CDKN2B-AS1: variants seen among roughly 807,000 people sequenced by gnomAD.
CDKN2B-AS1 encodes the protein CDKN2B and CDKN2A antisense cis and trans regulatory RNA 1.
At chr9:22,124,124 T>A (rs1333046) in intron 4 of CDKN2B-AS1, among the ~76,000 whole-genome samples, 65,834 of 151,770 alleles carry the variant, frequency 0.43, 15,238 homozygotes, top group Middle Eastern at 0.65. Context: ...ATTTAGAACA[T>A]TTGGCAATAT....
intron 4 of CDKN2B-AS1, among the ~76,000 whole-genome samples, chr9:22,076,241 A>T (rs190139931): frequency 1.3e-5 from 2 of 152,152 alleles, no homozygotes; most frequent in African/African-American, 4.8e-5. Flanking sequence ...TTTAGTAGAG[A>T]CAGGGTTTCA....
At chr9:22,008,762 CGCCCCCTGCCGGCGAGGCCCTGGG>C in intron 1 of CDKN2B-AS1, 1 of 1,609,652 alleles carries the variant, frequency 6.2e-7, no homozygotes, top group Non-Finnish European at 8.5e-7. Context: ...CGCGTTCGCG[CGCCCCCTGCCGGCGAGGCCCTGGG>C]GCCCCAGCTA....
At chr9:22,047,107 A>G (rs1045539747) in intron 2 of CDKN2B-AS1, among the ~76,000 whole-genome samples, 1 of 152,136 alleles carries the variant, frequency 6.6e-6, no homozygotes, top group East Asian at 1.9e-4. Context: ...CATGACAATA[A>G]TAGACATGAA....
chr9:22,116,892 A>G (rs1825963033), intron 4 of CDKN2B-AS1, among the ~76,000 whole-genome samples: 1 of 152,252 alleles, frequency 6.6e-6, no homozygotes, highest in African/African-American at 2.4e-5. Flanking sequence ...CTTGGCTAAA[A>G]GGAATATTAT....
At chr9:22,054,810 C>CAAAA (rs1402339527) in intron 3 of CDKN2B-AS1, among the ~76,000 whole-genome samples, 9 of 149,370 alleles carry the variant, frequency 6.0e-5, no homozygotes, top group Non-Finnish European at 1.0e-4. Context: ...GACAGAGTCT[C>CAAAA]ACTCTGTCTC....
chr9:22,009,219 C>A, intron 1 of CDKN2B-AS1: 1 of 587,018 alleles, frequency 1.7e-6, no homozygotes, highest in Non-Finnish European at 3.0e-6. Context: ...GCGCCTAGCG[C>A]GGACGCAGCC....
At chr9:22,012,190 C>T in intron 1 of CDKN2B-AS1, 1 of 1,393,304 alleles carries the variant, frequency 7.2e-7, no homozygotes, top group Non-Finnish European at 1.0e-6. Flanking sequence ...CGGGCAAGAC[C>T]ATCACCCTTG....
At chr9:22,018,923 G>T (rs1309787555) in intron 1 of CDKN2B-AS1, among the ~76,000 whole-genome samples, 4 of 152,210 alleles carry the variant, frequency 2.6e-5, no homozygotes, top group African/African-American at 9.6e-5. Context: ...CATAGTGAGA[G>T]AGCTGATCTG....
rs941542375 is a variant in CDKN2B-AS1 at position 22,000,176 on chromosome 9, C to T, written n.29+5015C>T. ...ACAAGTCTAAATGTTAAAACATCCT[C>T]ACGGGTGATTCTGACATGGAGCCAG... is the stretch of plus-strand genomic sequence containing the variant. On this transcript the variant is annotated intron_variant and non_coding_transcript_variant, in intron 1 of 4. Coordinates refer to ENST00000650946, the Ensembl canonical transcript of CDKN2B-AS1. This position sits in a 1 kb window ranked among gnomAD's most constrained non-coding sequence, Gnocchi z 4.1. Among the ~76,000 whole-genome samples, 1 of 152,094 alleles carries T rather than the reference C, an allele frequency of 6.6e-6. No homozygotes were observed. Among genetic ancestry groups the T allele is most frequent in the African/African-American group, 2.4e-5 (1 of 41,412 alleles).
intron 4 of CDKN2B-AS1, among the ~76,000 whole-genome samples, chr9:22,060,329 G>A (rs1251627240): frequency 1.3e-5 from 2 of 152,108 alleles, no homozygotes; most frequent in Non-Finnish European, 2.9e-5. Flanking sequence ...CAAGTTCAAA[G>A]TTCCACAAAT....
At chr9:22,009,519 C>T (rs1304063496) in intron 1 of CDKN2B-AS1, among the ~76,000 whole-genome samples, 2 of 152,268 alleles carry the variant, frequency 1.3e-5, no homozygotes, top group African/African-American at 2.4e-5. Context: ...CTGCACTGCT[C>T]GCTGGATGTC....
In CDKN2B-AS1 at chr9:21,995,262, G is replaced by A. The variant is rs1820596867; in HGVS notation, n.29+101G>A. ...GGCGCCTGGCTGGGACAAGCACCGA[G>A]TCCTTTGTGTCTAGCCCATTTTTAT... On this transcript the variant is annotated intron_variant and non_coding_transcript_variant, in intron 1 of 4. Transcript: ENST00000650946. This position sits in a 1 kb window ranked among gnomAD's most constrained non-coding sequence, Gnocchi z 5.7. 2 of 152,278 alleles carry A rather than the reference G, an allele frequency of 1.3e-5. No individual in the cohort carries two copies. The highest frequency in any genetic ancestry group is 6.5e-5 in the Admixed American group (1 of 15,292). The allele number at this position is 152,278 out of a possible 1,614,324, so 9.4% of individuals were successfully genotyped here. A position where few individuals can be genotyped will look rare whatever the true frequency, so the allele number is the denominator to read the frequency against.
chr9:22,082,962 A>T (rs1384518736), intron 4 of CDKN2B-AS1, among the ~76,000 whole-genome samples: 1 of 152,204 alleles, frequency 6.6e-6, no homozygotes, highest in Non-Finnish European at 1.5e-5. Context: ...TGGAATCAAG[A>T]AGGCCTAATC....
intron 4 of CDKN2B-AS1, among the ~76,000 whole-genome samples, chr9:22,096,875 G>A (rs768770647): frequency 6.6e-5 from 10 of 152,010 alleles, no homozygotes; most frequent in South Asian, 2.1e-4. Context: ...GCTTGCCTTC[G>A]TAACCCTCCC....
intron 4 of CDKN2B-AS1, chr9:22,111,994 A>G (rs1825816310): frequency 6.6e-6 from 1 of 152,222 alleles, no homozygotes; most frequent in Non-Finnish European, 1.5e-5. Flanking sequence ...GTCCTGGAGA[A>G]ACTTGGATGA....
At chr9:22,095,311 CA>C (rs1186223713) in intron 4 of CDKN2B-AS1, among the ~76,000 whole-genome samples, 2 of 144,606 alleles carry the variant, frequency 1.4e-5, no homozygotes, top group African/African-American at 5.8e-5. Flanking sequence ...AAACTGGTTT[CA>C]AAGAACATCT....
At chr9:22,003,805 G>A (rs1393322117) in intron 1 of CDKN2B-AS1, 15 of 231,634 alleles carry the variant, frequency 6.5e-5, no homozygotes, top group East Asian at 3.7e-4. Context: ...CAAACAAACC[G>A]TTTATATTTA....
At chr9:22,057,592 T>C (rs1279002578) in intron 4 of CDKN2B-AS1, among the ~76,000 whole-genome samples, 2 of 152,034 alleles carry the variant, frequency 1.3e-5, no homozygotes, top group African/African-American at 4.8e-5. Flanking sequence ...GCTGATTGCT[T>C]GAGCTCAGGA....
At chr9:22,045,147 G>C (rs966652545) in intron 1 of CDKN2B-AS1, among the ~76,000 whole-genome samples, 1 of 151,172 alleles carries the variant, frequency 6.6e-6, no homozygotes, top group African/African-American at 2.4e-5. Context: ...GGATTAAGAG[G>C]ATAAAGGAAA....
Sources: gnomAD v4.1 joint callset for allele counts (sites outside exome capture counted in the v4.1 genomes callset) on GRCh38, gnomAD v4.1.1 for gene constraint, Gnocchi (gnomAD v3.1) non-coding constraint, MANE v1.5 for transcripts, NCBI Gene and HGNC (gene_info 2026-07-23, HGNC 2026-07-21) for gene names.